NEGR1: variants seen among roughly 807,000 people sequenced by gnomAD.
NEGR1 encodes the protein IgLON family member 4.
In NEGR1, 10 loss-of-function variants were observed where a neutral mutation model predicts 40.9. That is an observed-to-expected ratio of 0.24 (90% CI 0.15 to 0.42). The LOEUF is 0.42. NEGR1 is among the 10% of genes least tolerant of loss of function. The pLI, the probability that NEGR1 is intolerant of heterozygous loss-of-function variation, is 1.00. For synonymous variants in NEGR1, 185 were observed against 166.8 expected (o/e 1.11, Z -0.84); for missense variants, 352 against 438.9 (o/e 0.80, Z 1.77).
intron 2 of NEGR1, among the ~76,000 whole-genome samples, chr1:71,880,516 C>G (rs1373960529): frequency 6.6e-6 from 1 of 151,818 alleles, no homozygotes; most frequent in Non-Finnish European, 1.5e-5. Context: ...TTTAAGACAC[C>G]TTTGGTTCTG....
At chr1:72,224,387 T>C (rs1490465875) in intron 1 of NEGR1, among the ~76,000 whole-genome samples, 4 of 152,012 alleles carry the variant, frequency 2.6e-5, no homozygotes, top group Non-Finnish European at 4.4e-5. Flanking sequence ...AAGGATGCTA[T>C]TAAAAATGGG....
At chr1:71,940,547 C>A (rs1420131807) in intron 1 of NEGR1, among the ~76,000 whole-genome samples, 2 of 152,140 alleles carry the variant, frequency 1.3e-5, no homozygotes, top group Non-Finnish European at 2.9e-5. Flanking sequence ...ATTATATAAA[C>A]CCAGGCTAAC....
intron 6 of NEGR1, among the ~76,000 whole-genome samples, chr1:71,438,535 G>A (rs1646525454): frequency 6.6e-6 from 1 of 152,120 alleles, no homozygotes; most frequent in Non-Finnish European, 1.5e-5. Context: ...GAGGTTTTAG[G>A]TGTTTTAGGA....
chr1:71,681,705 TCTAATATGTC>T (rs1570196397), intron 4 of NEGR1, among the ~76,000 whole-genome samples: 2 of 152,258 alleles, frequency 1.3e-5, no homozygotes, highest in African/African-American at 4.8e-5. Flanking sequence ...CCCTGTACTT[TCTAATATGTC>T]CTAATATGTC....
At chr1:72,033,677 C>T (rs566989246) in intron 1 of NEGR1, among the ~76,000 whole-genome samples, 3 of 152,296 alleles carry the variant, frequency 2.0e-5, no homozygotes, top group African/African-American at 7.2e-5. Context: ...TATGAGACAT[C>T]TAACTGGGTT....
At chr1:71,574,481 C>T (rs1042410142) in intron 6 of NEGR1, among the ~76,000 whole-genome samples, 7 of 152,072 alleles carry the variant, frequency 4.6e-5, no homozygotes, top group African/African-American at 1.7e-4. Context: ...GAGTTCTTAC[C>T]TAGGCTCTGC....
chr1:72,149,879 C>CAAAAAAAAAAGAAAAAAAAAAAA (rs1651051540), intron 1 of NEGR1, among the ~76,000 whole-genome samples: 1 of 39,392 alleles, frequency 2.5e-5, no homozygotes, highest in Non-Finnish European at 5.1e-5. Flanking sequence ...AAAACTCTGT[C>CAAAAAAAAAAGAAAAAAAAAAAA]AAAAAAAAAA....
rs531473821 is a variant in NEGR1, at chr1:72,067,986, C to T, written c.177-132675G>A. On this transcript the variant is annotated intron_variant, in intron 1 of 6. Coordinates refer to ENST00000357731, the MANE Select transcript of NEGR1 (RefSeq NM_173808.3). Reference sequence around the variant, plus strand: ...TATATTGCCAAGTTCTCCTTTCACACCATACTGCAAAGGAAAATAAGCTCT... The same window carrying T: ...TATATTGCCAAGTTCTCCTTTCACATCATACTGCAAAGGAAAATAAGCTCT... Among the ~76,000 whole-genome samples, 44 of 152,246 alleles carry T rather than the reference C, an allele frequency of 2.9e-4. No homozygotes were observed. In the South Asian group the frequency reaches 4.8e-3, roughly 16 times the overall value.
chr1:72,281,420 GAGTT>G (rs949434743), intron 1 of NEGR1, among the ~76,000 whole-genome samples: 41 of 152,054 alleles, frequency 2.7e-4, no homozygotes, highest in African/African-American at 9.9e-4. Context: ...GAGAGTATGT[GAGTT>G]AGTATGTTTA....
intron 1 of NEGR1, among the ~76,000 whole-genome samples, chr1:72,014,361 A>G (rs2100408486): frequency 6.6e-6 from 1 of 152,180 alleles, no homozygotes; most frequent in South Asian, 2.1e-4. Context: ...TGAATCTAGG[A>G]CTGTTGAATT....
At chr1:71,881,608 GT>G (rs1660586464) in intron 2 of NEGR1, among the ~76,000 whole-genome samples, 1 of 151,966 alleles carries the variant, frequency 6.6e-6, no homozygotes, top group Non-Finnish European at 1.5e-5. Flanking sequence ...TGCTCAATTT[GT>G]TTTCATTTGA....
intron 6 of NEGR1, among the ~76,000 whole-genome samples, chr1:71,453,286 C>A (rs1300919297): frequency 2.0e-5 from 3 of 152,060 alleles, no homozygotes; most frequent in Non-Finnish European, 4.4e-5. Context: ...TGAGTTGCAA[C>A]CAAGGGCATG....
At chr1:71,724,162 A>G (rs1471210743) in intron 3 of NEGR1, among the ~76,000 whole-genome samples, 1 of 152,108 alleles carries the variant, frequency 6.6e-6, no homozygotes, top group African/African-American at 2.4e-5. Flanking sequence ...TTCATTTTTT[A>G]AAATTCTCTT....
chr1:71,710,629 GACAA>G (rs1654047160), intron 3 of NEGR1, among the ~76,000 whole-genome samples: 1 of 152,046 alleles, frequency 6.6e-6, no homozygotes, highest in African/African-American at 2.4e-5. Context: ...GGCACAGAAA[GACAA>G]ACAATCGCAT....
intron 6 of NEGR1, among the ~76,000 whole-genome samples, chr1:71,510,108 G>C (rs1647062777): frequency 6.6e-6 from 1 of 152,112 alleles, no homozygotes; most frequent in Non-Finnish European, 1.5e-5. Flanking sequence ...AGGTTGGTTT[G>C]GAAAATAAAA....
At chr1:71,606,935 T>G (rs755540319) in intron 5 of NEGR1, among the ~76,000 whole-genome samples, 3 of 152,166 alleles carry the variant, frequency 2.0e-5, no homozygotes, top group Non-Finnish European at 4.4e-5. Context: ...TGTTTTTTGT[T>G]TGTGTTTATT....
At chr1:71,881,626 A>T (rs1660586777) in intron 2 of NEGR1, among the ~76,000 whole-genome samples, 1 of 152,044 alleles carries the variant, frequency 6.6e-6, no homozygotes. Flanking sequence ...TTGATTATTG[A>T]CTGTTAAATT....
intron 1 of NEGR1, among the ~76,000 whole-genome samples, chr1:72,102,631 A>C (rs1049297742): frequency 6.6e-6 from 1 of 152,124 alleles, no homozygotes; most frequent in Non-Finnish European, 1.5e-5. Context: ...TGCTATCTGC[A>C]TACTTACGAA....
At chr1:71,826,929 C>G (rs1051184869) in intron 2 of NEGR1, among the ~76,000 whole-genome samples, 1 of 151,728 alleles carries the variant, frequency 6.6e-6, no homozygotes, top group Non-Finnish European at 1.5e-5. Context: ...AAGCAAATAG[C>G]ATTTTATTAA....
Sources: gnomAD v4.1 joint callset for allele counts (sites outside exome capture counted in the v4.1 genomes callset) on GRCh38, gnomAD v4.1.1 for gene constraint, MANE v1.5 for transcripts, NCBI Gene and HGNC (gene_info 2026-07-23, HGNC 2026-07-21) for gene names.